Variants in FAM91A1 observed in about 807,000 individuals in gnomAD.
FAM91A1 encodes the protein family with sequence similarity 91 member A1, also known as protein FAM91A1.
Under a neutral mutation model 113.5 loss-of-function variants are expected in FAM91A1, and 41 were observed. The observed-to-expected ratio is 0.36, with a 90% CI of 0.28 to 0.47. FAM91A1 has a LOEUF of 0.47. FAM91A1 is among the 20% of genes least tolerant of loss of function. The pLI is 1.00. For synonymous variants in FAM91A1, 307 were observed against 347.9 expected, an observed-to-expected ratio of 0.88 and a Z score of 1.31; for missense variants, 696 against 1,001.2, an observed-to-expected ratio of 0.70 and a Z score of 4.11.
chr8:123,774,701 C>A (rs1019383485), intron 2 of FAM91A1, among the ~76,000 whole-genome samples: 5 of 152,002 alleles, frequency 3.3e-5, no homozygotes, highest in Admixed American at 3.3e-4. Flanking sequence ...ATATTTCTGA[C>A]ATTGTTTTTC....
intron 23 of FAM91A1, chr8:123,811,106 A>T (rs983661034): frequency 2.0e-5 from 3 of 152,252 alleles, no homozygotes; most frequent in Admixed American, 2.0e-4. Flanking sequence ...GCTGAAGCCA[A>T]AAAGTTGGAA....
chr8:123,780,089 A>G lies in FAM91A1; in HGVS notation c.640+14A>G, dbSNP rs1410542816. On this transcript the variant is annotated intron_variant, in intron 7 of 23. Coordinates refer to ENST00000334705, the MANE Select transcript of FAM91A1 (RefSeq NM_144963.4). ...ATGTAGTACATAGTAAGTGGTTAGTAGAAATGGTCTTTTGTCAACATAAAA... is the reference window on the plus strand; with the variant it reads ...ATGTAGTACATAGTAAGTGGTTAGTGGAAATGGTCTTTTGTCAACATAAAA... 1.3e-6 allele frequency: 2 copies of G among 1,599,684 alleles called. No homozygotes were observed. The highest frequency in any genetic ancestry group is 1.7e-5 in the Admixed American group (1 of 57,398).
At chr8:123,803,741 C>T (rs2130144532) in intron 18 of FAM91A1, among the ~76,000 whole-genome samples, 1 of 152,180 alleles carries the variant, frequency 6.6e-6, no homozygotes, top group South Asian at 2.1e-4. Flanking sequence ...TGGTTAAAAC[C>T]ATAATTTATT....
intron 15 of FAM91A1, among the ~76,000 whole-genome samples, chr8:123,795,537 C>G (rs1172787060): frequency 2.0e-5 from 3 of 152,156 alleles, no homozygotes; most frequent in Non-Finnish European, 4.4e-5. Flanking sequence ...TGTCAGCTTC[C>G]TAAGGCCTCC....
intron 18 of FAM91A1, among the ~76,000 whole-genome samples, chr8:123,804,462 G>C (rs1255144658): frequency 8.8e-6 from 1 of 113,818 alleles, no homozygotes; most frequent in Non-Finnish European, 1.6e-5. Context: ...TTGCACTCCA[G>C]TCTGAGTAAC....
chr8:123,810,546 G>A (rs1411894093), intron 23 of FAM91A1, 195 bp downstream of exon 23: 2 of 660,962 alleles, frequency 3.0e-6, no homozygotes, highest in African/African-American at 1.9e-5. Context: ...GGAGACCAAA[G>A]CTTGATCTCT....
intron 2 of FAM91A1, 73 bp downstream of exon 2, chr8:123,774,237 A>G (rs572089352): frequency 2.5e-6 from 3 of 1,212,278 alleles, no homozygotes; most frequent in African/African-American, 3.1e-5. Context: ...TTTCTTTTCA[A>G]TACATATTTC....
At chr8:123,808,068 G>A (rs1019669519) in intron 20 of FAM91A1, among the ~76,000 whole-genome samples, 9 of 152,264 alleles carry the variant, frequency 5.9e-5, no homozygotes, top group African/African-American at 9.6e-5. Context: ...TCATAGATAC[G>A]AATAGCATCC....
At position 123,778,020 on chromosome 8, in the gene FAM91A1, TTCAGG is replaced by T; in HGVS notation, c.368-2_370del. On this transcript the variant is annotated splice_acceptor_variant and splice_polypyrimidine_tract_variant and coding_sequence_variant and intron_variant, in exon 5 of 24. Coordinates refer to ENST00000334705, the MANE Select transcript of FAM91A1 (RefSeq NM_144963.4). LOFTEE classifies it high-confidence loss of function. ...TGTTTTTAAAGGAAAGACTCTTTTT[TTCAGG>T]TCTAAGGCTTCTTGGCATAGGAAGA... is the stretch of plus-strand genomic sequence containing the variant. The T allele has an allele frequency of 6.2e-7, 1 of 1,610,770 alleles. No individual in the cohort carries two copies. Among genetic ancestry groups the T allele is most frequent in the East Asian group, 2.2e-5 (1 of 44,692 alleles).
At chr8:123,774,593 TA>T (rs954861097) in intron 2 of FAM91A1, among the ~76,000 whole-genome samples, 7 of 151,510 alleles carry the variant, frequency 4.6e-5, no homozygotes, top group African/African-American at 1.2e-4. Flanking sequence ...TTCTTCTTTC[TA>T]AAAAAAAATT....
chr8:123,782,560 T>A (rs1815150930), intron 8 of FAM91A1, among the ~76,000 whole-genome samples: 1 of 152,250 alleles, frequency 6.6e-6, no homozygotes, highest in South Asian at 2.1e-4. Context: ...ATTTTGTGTG[T>A]CTTTTATAGC....
chr8:123,796,141 G>A (rs1194504038), intron 15 of FAM91A1, among the ~76,000 whole-genome samples: 4 of 152,202 alleles, frequency 2.6e-5, no homozygotes, highest in South Asian at 2.1e-4. Flanking sequence ...CCCCAAACAC[G>A]TGTCTCTGAT....
intron 15 of FAM91A1, among the ~76,000 whole-genome samples, chr8:123,794,320 T>C (rs1273312641): frequency 6.6e-6 from 1 of 152,238 alleles, no homozygotes; most frequent in Non-Finnish European, 1.5e-5. Context: ...GCATAAAATA[T>C]ATGTAGATAC....
intron 1 of FAM91A1, among the ~76,000 whole-genome samples, chr8:123,769,260 A>G (rs561940158): frequency 6.6e-6 from 1 of 152,160 alleles, no homozygotes; most frequent in African/African-American, 2.4e-5. Flanking sequence ...GAGGACGAAT[A>G]AGAGTTAAAT....
intron 8 of FAM91A1, among the ~76,000 whole-genome samples, chr8:123,783,086 G>T (rs1428242543): frequency 6.6e-6 from 1 of 152,104 alleles, no homozygotes; most frequent in African/African-American, 2.4e-5. Flanking sequence ...TGGGGCAAGA[G>T]GATTGCTTGA....
intron 20 of FAM91A1, among the ~76,000 whole-genome samples, chr8:123,806,976 A>C (rs1279611827): frequency 6.6e-6 from 1 of 151,920 alleles, no homozygotes; most frequent in African/African-American, 2.4e-5. Flanking sequence ...GCTCTGGCAT[A>C]ATATTGGCAT....
At chr8:123,777,220 A>G in intron 3 of FAM91A1, 45 bp from the exon 4 acceptor site, 1 of 1,240,474 alleles carries the variant, frequency 8.1e-7, no homozygotes, top group Non-Finnish European at 1.2e-6. Flanking sequence ...ATTTTTATTT[A>G]AGGACATTTT....
rs1365480793 is a variant in FAM91A1, at chr8:123,812,867, A to G, written c.*163A>G. ...ATTCATGTTTTCTGAAGTTTTGCTC[A>G]TTATTGCACATCTTATTGCGACAAA... On this transcript the variant is annotated 3_prime_UTR_variant, in exon 24 of 24. Coordinates refer to ENST00000334705, the MANE Select transcript of FAM91A1 (RefSeq NM_144963.4). 6.5e-6 allele frequency: 4 copies of G among 611,018 alleles called. No homozygotes were observed. The highest frequency in any genetic ancestry group is 3.4e-5 in the South Asian group (1 of 29,042). 37.8% of individuals were successfully genotyped at this position (611,018 alleles called of 1,614,324 possible). A position where few individuals can be genotyped will look rare whatever the true frequency, so the allele number is the denominator to read the frequency against.
At chr8:123,777,193 ATAT>A in intron 3 of FAM91A1, 69 bp from the exon 4 acceptor site, 1 of 1,042,166 alleles carries the variant, frequency 9.6e-7, no homozygotes, top group Middle Eastern at 2.4e-4. Flanking sequence ...GGCTGTAATA[ATAT>A]TGTATTTATA....
Sources: gnomAD v4.1 joint callset for allele counts (sites outside exome capture counted in the v4.1 genomes callset) on GRCh38, gnomAD v4.1.1 for gene constraint, MANE v1.5 for transcripts, NCBI Gene and HGNC (gene_info 2026-07-23, HGNC 2026-07-21) for gene names.